Variants in KIRREL3 observed in about 807,000 individuals in gnomAD.
The protein encoded by KIRREL3 is kirre like nephrin family adhesion molecule 3.
Under a neutral mutation model 89.7 loss-of-function variants are expected in KIRREL3, and 36 were observed. The ratio of observed to expected loss-of-function variants is 0.40; its 90% CI spans 0.31 to 0.53. KIRREL3 has a LOEUF of 0.53. KIRREL3 is among the 20% of genes least tolerant of loss of function. The pLI is 0.49. For missense variants in KIRREL3, 864 were observed against 1,056.6 expected, an observed-to-expected ratio of 0.82 and a Z score of 2.53; for synonymous variants, 445 against 441.4, an observed-to-expected ratio of 1.01 and a Z score of -0.10.
chr11:126,634,121 G>T (rs12285703), intron 1 of KIRREL3, among the ~76,000 whole-genome samples: 1 of 152,140 alleles, frequency 6.6e-6, no homozygotes, highest in African/African-American at 2.4e-5. Context: ...CTTTTTCTGG[G>T]GTGATCCAGT....
intron 1 of KIRREL3, among the ~76,000 whole-genome samples, chr11:126,847,135 G>A (rs573108189): frequency 3.6e-4 from 55 of 152,252 alleles, no homozygotes; most frequent in African/African-American, 1.2e-3. Flanking sequence ...GTATACCAAC[G>A]GAAGGGTGAA....
chr11:126,465,217 C>G (rs1956681979), intron 5 of KIRREL3, among the ~76,000 whole-genome samples: 2 of 152,140 alleles, frequency 1.3e-5, no homozygotes, highest in Admixed American at 6.5e-5. Flanking sequence ...GATGAACAGA[C>G]CACTCCTCCC....
At chr11:126,939,258 A>G (rs1021515862) in intron 1 of KIRREL3, among the ~76,000 whole-genome samples, 1 of 152,232 alleles carries the variant, frequency 6.6e-6, no homozygotes, top group Middle Eastern at 3.2e-3. Flanking sequence ...GATGGGCAAC[A>G]TCATCTATCT....
chr11:126,435,837 T>C (rs796423568), intron 12 of KIRREL3, among the ~76,000 whole-genome samples: 2 of 152,126 alleles, frequency 1.3e-5, no homozygotes, highest in African/African-American at 4.8e-5. Context: ...CGAATGGACC[T>C]TTACCTAAGA....
rs1025949639 is a variant in KIRREL3, at chr11:126,605,826, G to T, written c.56-42914C>A. On this transcript the variant is annotated intron_variant, in intron 1 of 16. Transcript: ENST00000525144. This position sits in a 1 kb window ranked among gnomAD's most constrained non-coding sequence, Gnocchi z 5.7. ...GCATGGGACATGGTCCCTCTTGGGA[G>T]TTAAGCAGAGGGAGTCCTCTCATTG... 6.6e-6 allele frequency among the ~76,000 whole-genome samples: 1 copy of T among 152,220 alleles called. No homozygotes were observed.
At chr11:126,447,649 G>A (rs1455264436) in intron 8 of KIRREL3, among the ~76,000 whole-genome samples, 2 of 152,128 alleles carry the variant, frequency 1.3e-5, no homozygotes, top group Non-Finnish European at 2.9e-5. Flanking sequence ...GCCTTCTGTA[G>A]ACCAAGCTTG....
At position 126,830,570 on chromosome 11, in the gene KIRREL3, G is replaced by A. The variant is rs1020901112; in HGVS notation, c.55+169885C>T. Among the ~76,000 whole-genome samples, 2 of 152,170 alleles carry A rather than the reference G, an allele frequency of 1.3e-5. No individual in the cohort carries two copies. The highest frequency in any genetic ancestry group is 2.4e-5 in the African/African-American group (1 of 41,432). The stretch of plus-strand genomic sequence containing the variant: ...CATCCCTGGATTCTACAGGTGGCTC[G>A]GTGACAGTCATCTCTTAGTGTTTCG... On this transcript the variant is annotated intron_variant, in intron 1 of 16. Coordinates refer to ENST00000525144, the MANE Select transcript of KIRREL3 (RefSeq NM_032531.4). The surrounding 1 kb of genome is among the most constrained non-coding windows in gnomAD (Gnocchi z 4.9).
intron 1 of KIRREL3, among the ~76,000 whole-genome samples, chr11:126,884,878 G>A (rs1682564230): frequency 6.6e-6 from 1 of 151,866 alleles, no homozygotes; most frequent in Non-Finnish European, 1.5e-5. Context: ...ATGGTTGCTT[G>A]GCAATGGAAT....
chr11:126,445,441 C>A lies in KIRREL3; in HGVS notation c.1126-336G>T, dbSNP rs995627085. Among the ~76,000 whole-genome samples, 6 of 152,318 alleles carry A rather than the reference C, an allele frequency of 3.9e-5. No homozygotes were observed. The South Asian group carries it at 8.3e-4, about 21-fold the overall frequency. ...ACTTCCAGGTTTCCTCCTACAGGAACCTCCCTGTACCTGCGGTGGCTTCTC... is the reference window on the plus strand; with the variant it reads ...ACTTCCAGGTTTCCTCCTACAGGAAACTCCCTGTACCTGCGGTGGCTTCTC... On this transcript the variant is annotated intron_variant, in intron 9 of 16. Coordinates refer to ENST00000525144, the MANE Select transcript of KIRREL3 (RefSeq NM_032531.4).
At position 126,955,454 on chromosome 11, in the gene KIRREL3, G is replaced by A. The variant is rs1004953308; in HGVS notation, c.55+45001C>T. Among the ~76,000 whole-genome samples, 6 of 152,286 alleles carry A rather than the reference G, an allele frequency of 3.9e-5. No homozygotes were observed. Among genetic ancestry groups the A allele is most frequent in the Non-Finnish European group, 8.8e-5 (6 of 68,018 alleles). On this transcript the variant is annotated intron_variant, in intron 1 of 16. Coordinates refer to ENST00000525144, the MANE Select transcript of KIRREL3 (RefSeq NM_032531.4). The surrounding 1 kb of genome is among the most constrained non-coding windows in gnomAD (Gnocchi z 4.6). ...TGGAAGAAATGCCCTGGCCGCCCAT[G>A]GGCCGGGATCTTCCTAGCCCTCCCT...
rs112398249 is a variant in KIRREL3 at position 126,492,474 on chromosome 11, C to G, written c.434-19008G>C. 2.3e-4 allele frequency among the ~76,000 whole-genome samples: 35 copies of G among 152,192 alleles called. No homozygotes were observed. The highest frequency in any genetic ancestry group is 8.2e-4 in the African/African-American group (34 of 41,528). ...TCCCTGCTCCCAGTTAGCCCCTGTC[C>G]GTCCAGTTCTGAGAGGTGTTTCTAT... On this transcript the variant is annotated intron_variant, in intron 4 of 16. Coordinates refer to ENST00000525144, the MANE Select transcript of KIRREL3 (RefSeq NM_032531.4). This position sits in a 1 kb window ranked among gnomAD's most constrained non-coding sequence, Gnocchi z 4.8.
At chr11:126,481,764 T>C (rs1460803212) in intron 4 of KIRREL3, among the ~76,000 whole-genome samples, 2 of 152,262 alleles carry the variant, frequency 1.3e-5, no homozygotes, top group African/African-American at 4.8e-5. Context: ...CCTAGTCCTC[T>C]GTGCTTTTCC....
At chr11:126,998,530 T>C (rs1386652815) in intron 1 of KIRREL3, among the ~76,000 whole-genome samples, 1 of 152,212 alleles carries the variant, frequency 6.6e-6, no homozygotes, top group African/African-American at 2.4e-5. Context: ...AACTGCATGA[T>C]GTTATGGTTT....
chr11:126,631,699 TG>T (rs1402766743), intron 1 of KIRREL3, among the ~76,000 whole-genome samples: 3 of 152,240 alleles, frequency 2.0e-5, no homozygotes, highest in Admixed American at 2.0e-4. Flanking sequence ...CCTTTACTTT[TG>T]TTAGCACTTT....
intron 1 of KIRREL3, among the ~76,000 whole-genome samples, chr11:126,952,660 G>T (rs1176324474): frequency 6.6e-6 from 1 of 152,210 alleles, no homozygotes; most frequent in African/African-American, 2.4e-5. Flanking sequence ...CCTATGTCCT[G>T]AATGGTATTG....
rs1943155784 is a variant in KIRREL3 at position 126,612,073 on chromosome 11, C to A, written c.56-49161G>T. Among the ~76,000 whole-genome samples the A allele has an allele frequency of 6.6e-6, 1 of 152,200 alleles. No homozygotes were observed. The highest frequency in any genetic ancestry group is 2.4e-5 in the African/African-American group (1 of 41,438). On this transcript the variant is annotated intron_variant, in intron 1 of 16. Transcript: ENST00000525144. This position sits in a 1 kb window ranked among gnomAD's most constrained non-coding sequence, Gnocchi z 4.5. ...AACTCACGTCACTGATGGACTTACG[C>A]AGTTGGGTGTGTATTTGGTAACCTG... is the stretch of plus-strand genomic sequence containing the variant.
rs912764222 is a variant in KIRREL3, at chr11:126,989,348, T to C, written c.55+11107A>G. Among the ~76,000 whole-genome samples, 2 of 152,174 alleles carry C rather than the reference T, an allele frequency of 1.3e-5. No homozygotes were observed. The highest frequency in any genetic ancestry group is 4.8e-5 in the African/African-American group (2 of 41,450). On this transcript the variant is annotated intron_variant, in intron 1 of 16. Transcript: ENST00000525144. The surrounding 1 kb of genome is among the most constrained non-coding windows in gnomAD (Gnocchi z 6.2). Reference sequence around the variant, plus strand: ...GGCACTGTGGGGACGAAGGGGGCAGTGGCAGCTCACCCTGATGCAGAGAGA... The same window carrying C: ...GGCACTGTGGGGACGAAGGGGGCAGCGGCAGCTCACCCTGATGCAGAGAGA...
At chr11:126,665,406 T>A (rs1333471218) in intron 1 of KIRREL3, among the ~76,000 whole-genome samples, 3 of 151,890 alleles carry the variant, frequency 2.0e-5, no homozygotes, top group Non-Finnish European at 4.4e-5. Context: ...CATGCTGTCA[T>A]GGTCTGAATG....
At chr11:126,547,474 G>A (rs776047718) in intron 2 of KIRREL3, among the ~76,000 whole-genome samples, 39 of 152,198 alleles carry the variant, frequency 2.6e-4, no homozygotes, top group Non-Finnish European at 4.6e-4. Flanking sequence ...CTCCTCCCCC[G>A]TGTGTTTGGA....
Sources: allele counts gnomAD v4.1 joint callset (sites outside exome capture counted in the v4.1 genomes callset), GRCh38; gene constraint gnomAD v4.1.1; non-coding constraint Gnocchi (gnomAD v3.1); transcripts MANE v1.5; gene names NCBI Gene and HGNC (gene_info 2026-07-23, HGNC 2026-07-21).